Variants in GET1 observed in about 807,000 individuals in gnomAD.
GET1 encodes congenital heart disease 5 protein.
Under a neutral mutation model 22.6 loss-of-function variants are expected in GET1, and 20 were observed. The observed-to-expected ratio is 0.89, with a 90% CI of 0.62 to 1.29. The LOEUF (loss-of-function observed/expected upper bound fraction) is 1.29, where lower values mean the gene tolerates loss of function less well. GET1 is among the 50% of genes most tolerant of loss of function. GET1 has a pLI of 0.00. For missense variants in GET1, 209 were observed against 219.9 expected (o/e 0.95, Z 0.31); for synonymous variants, 92 against 83.8 (o/e 1.10, Z -0.53).
intron 1 of GET1, among the ~76,000 whole-genome samples, chr21:39,384,450 G>C (rs933951476): frequency 2.6e-5 from 4 of 151,358 alleles, no homozygotes; most frequent in Non-Finnish European, 5.9e-5. Flanking sequence ...AGTAGAAAGA[G>C]GGTTTCACCA....
At chr21:39,384,083 G>C (rs375160325) in intron 1 of GET1, among the ~76,000 whole-genome samples, 45 of 151,840 alleles carry the variant, frequency 3.0e-4, no homozygotes, top group African/African-American at 1.0e-3. Flanking sequence ...TGGACGTAAG[G>C]TGGTGTCTCA....
At chr21:39,410,384 T>C, downstream of GET1, 1 of 1,329,238 alleles carries the variant, frequency 7.5e-7, no homozygotes, top group East Asian at 2.3e-5. Context: ...AACAGGTAGA[T>C]TATATGTAAG....
rs2146967294 is a variant in GET1, at chr21:39,390,970, A to G, written c.268+107A>G. 6.2e-6 allele frequency: 8 copies of G among 1,289,786 alleles called. No homozygotes were observed. The East Asian group carries it at 7.5e-5, about 12-fold the overall frequency. 79.9% of individuals were successfully genotyped at this position (1,289,786 alleles called of 1,614,324 possible). A position where few individuals can be genotyped will look rare whatever the true frequency, so the allele number is the denominator to read the frequency against. On this transcript the variant is annotated intron_variant, in intron 2 of 4. Coordinates refer to ENST00000649170, the MANE Select transcript of GET1 (RefSeq NM_004627.6). The stretch of plus-strand genomic sequence containing the variant: ...ACTTTGCTTCTTGGATGTTCTGAAT[A>G]TTGATGGAAACTTAAGTTATCTGGA...
chr21:39,385,928 C>T lies in GET1; in HGVS notation c.103-4770C>T, dbSNP rs2037863465. Among the ~76,000 whole-genome samples the T allele has an allele frequency of 1.3e-5, 2 of 152,178 alleles. 1 individual carries two copies. Among genetic ancestry groups the T allele is most frequent in the South Asian group, 4.1e-4 (2 of 4,830 alleles). On this transcript the variant is annotated intron_variant, in intron 1 of 4. Transcript: ENST00000649170. The stretch of plus-strand genomic sequence containing the variant: ...CATACACTGTGCAGGCGCCCTAGGA[C>T]TGGCGCTGGCTCAGGGTCCCTGCGA...
At chr21:39,385,321 CGT>C (rs2037815264) in intron 1 of GET1, among the ~76,000 whole-genome samples, 1 of 152,254 alleles carries the variant, frequency 6.6e-6, no homozygotes, top group African/African-American at 2.4e-5. Context: ...CCTCCCCCCG[CGT>C]GAGGCCTTAG....
chr21:39,380,512 G>A (rs771145969), intron 1 of GET1, 26 bp downstream of exon 1: 10 of 1,596,226 alleles, frequency 6.3e-6, no homozygotes, highest in Non-Finnish European at 8.5e-6. Context: ...GCCTCCCAAG[G>A]GCCGGTGGGG....
At chr21:39,390,430 G>A (rs928871964) in intron 1 of GET1, among the ~76,000 whole-genome samples, 2 of 152,206 alleles carry the variant, frequency 1.3e-5, no homozygotes, top group Non-Finnish European at 2.9e-5. Flanking sequence ...TGGAGTGTAT[G>A]TGGGAGTTTA....
At chr21:39,404,047 C>T (rs940835076) in intron 4 of GET1, among the ~76,000 whole-genome samples, 13 of 152,186 alleles carry the variant, frequency 8.5e-5, no homozygotes, top group Non-Finnish European at 1.8e-4. Context: ...CTCAGCCTTC[C>T]GGGTAGCTGC....
intron 1 of GET1, among the ~76,000 whole-genome samples, chr21:39,389,182 G>T (rs981960634): frequency 6.6e-5 from 10 of 152,250 alleles, no homozygotes; most frequent in Middle Eastern, 3.4e-3. Flanking sequence ...ATGTTGCCAA[G>T]GCTGGTCTTG....
intron 2 of GET1, chr21:39,391,169 G>A: frequency 4.4e-6 from 1 of 229,514 alleles, no homozygotes. Flanking sequence ...TTTTCTGAGA[G>A]AAGCCCAGAA....
chr21:39,411,907 CTG>C (rs1462584528), intron 1 of GET1: 1 of 626,350 alleles, frequency 1.6e-6, no homozygotes. Context: ...TGAATAAAAT[CTG>C]TAGATTTTAG....
chr21:39,411,682 A>G (rs1228495824), intron 1 of GET1: 1 of 1,138,976 alleles, frequency 8.8e-7, no homozygotes, highest in Non-Finnish European at 1.3e-6. Flanking sequence ...CTAGATACTT[A>G]AAAATAGATT....
In GET1 at chr21:39,388,722, A is replaced by G. The variant is rs2038091924; in HGVS notation, c.103-1976A>G. On this transcript the variant is annotated intron_variant, in intron 1 of 4. Coordinates refer to ENST00000649170, the MANE Select transcript of GET1 (RefSeq NM_004627.6). Reference sequence around the variant, plus strand: ...GGGGCGCCCGCGCAGTCCTTGGACTAGGCCTTCCCGGCAGATCTGCGGGCG... The same window carrying G: ...GGGGCGCCCGCGCAGTCCTTGGACTGGGCCTTCCCGGCAGATCTGCGGGCG... Among the ~76,000 whole-genome samples, 3 of 152,166 alleles carry G rather than the reference A, an allele frequency of 2.0e-5. 1 individual carries two copies. The South Asian group carries it at 6.2e-4, about 32-fold the overall frequency.
At chr21:39,417,064 GCT>G (rs1569082828) in intron 1 of GET1, among the ~76,000 whole-genome samples, 1 of 152,130 alleles carries the variant, frequency 6.6e-6, no homozygotes, top group African/African-American at 2.4e-5. Flanking sequence ...ACAGAGTCTC[GCT>G]CTGTCACCCA....
intron 2 of GET1, 34 bp from the exon 3 acceptor site, chr21:39,391,735 C>T: frequency 6.2e-7 from 1 of 1,602,846 alleles, no homozygotes; most frequent in Non-Finnish European, 8.5e-7. Flanking sequence ...TTTTTCAGGA[C>T]TGACATAATT....
At chr21:39,387,875 G>C (rs1177876176) in intron 1 of GET1, 2 of 976,366 alleles carry the variant, frequency 2.0e-6, no homozygotes, top group Non-Finnish European at 2.4e-6. Flanking sequence ...AAGGGGGAGG[G>C]GGGGGGATCT....
In GET1 at chr21:39,380,405, C is replaced by T. The variant is rs758101236; in HGVS notation, c.21C>T (p.Asp7=). The change falls in exon 1 of 5, where the codon GAC becomes GAT. Residue 7 remains aspartate, a synonymous_variant. Transcript: ENST00000649170. ...CCGGGATGAGCTCAGCCGCGGCCGACCACTGGGCGTGGTTGCTGGTGCTCA... is the reference window on the plus strand; with the variant it reads ...CCGGGATGAGCTCAGCCGCGGCCGATCACTGGGCGTGGTTGCTGGTGCTCA... MSSAAA[D]HWAWLLVLSF... 1.9e-6 allele frequency: 3 copies of T among 1,610,814 alleles called. No individual in the cohort carries two copies. Among genetic ancestry groups the T allele is most frequent in the Admixed American group, 3.3e-5 (2 of 59,724 alleles).
At chr21:39,410,239 C>T, downstream of GET1, 1 of 1,434,510 alleles carries the variant, frequency 7.0e-7, no homozygotes, top group Non-Finnish European at 9.8e-7. Context: ...TAATCAGACA[C>T]TGCAAGATTC....
At position 39,380,388 on chromosome 21, in the gene GET1, A is replaced by G; in HGVS notation, c.4A>G (p.Ser2Gly). Reference protein sequence around the residue: MSSAAADHWAWL... With the variant: MGSAAADHWAWL... ...AGCACAGCCAGGAGCGTCCGGGATG[A>G]GCTCAGCCGCGGCCGACCACTGGGC... The change falls in exon 1 of 5, where the codon AGC (serine) becomes GGC (glycine). Residue 2 changes from serine to glycine, a missense_variant. Transcript: ENST00000649170. 1.2e-6 allele frequency: 2 copies of G among 1,605,054 alleles called. No homozygotes were observed. The highest frequency in any genetic ancestry group is 1.7e-6 in the Non-Finnish European group (2 of 1,175,070).
Sources: gnomAD v4.1 joint callset for allele counts (sites outside exome capture counted in the v4.1 genomes callset) on GRCh38, gnomAD v4.1.1 for gene constraint, MANE v1.5 for transcripts, NCBI Gene and HGNC (gene_info 2026-07-23, HGNC 2026-07-21) for gene names.